The following ROBO1 variants were observed in gnomAD, a reference collection of about 807,000 sequenced individuals.
ROBO1 encodes the protein roundabout homolog 1.
ROBO1 carries 149 observed loss-of-function variants against 195.9 expected under a neutral mutation model. That is an observed-to-expected ratio of 0.76 (90% CI 0.67 to 0.87). ROBO1 has a LOEUF of 0.87. Among genes scored for constraint, ROBO1 ranks in the 40% least tolerant of loss-of-function variants. The probability of loss-of-function intolerance (pLI) is 0.00; values close to 1 mark genes in which losing one functional copy is unlikely to be tolerated. For missense variants in ROBO1, 1,933 were observed against 2,068.3 expected (o/e 0.93, Z 1.27); for synonymous variants, 816 against 733.2 (o/e 1.11, Z -1.82).
chr3:78,836,502 ACT>A (rs1192838498), intron 4 of ROBO1, among the ~76,000 whole-genome samples: 5 of 65,242 alleles, frequency 7.7e-5, no homozygotes, highest in Non-Finnish European at 1.3e-4. Flanking sequence ...ACAGAGCGAG[ACT>A]CTGTCTCCAA....
chr3:78,677,874 T>A (rs1254253747), intron 10 of ROBO1, among the ~76,000 whole-genome samples: 1 of 151,578 alleles, frequency 6.6e-6, no homozygotes, highest in Middle Eastern at 3.4e-3. Context: ...AATATACATT[T>A]TTTTCAGCAC....
intron 4 of ROBO1, among the ~76,000 whole-genome samples, chr3:78,808,419 G>T (rs71324649): frequency 0.038 from 5,705 of 152,072 alleles, 168 homozygotes; most frequent in Non-Finnish European, 0.055. Context: ...TGATCAGGCT[G>T]GTCTCAAACT....
chr3:79,598,139 C>G (rs1944234653), intron 1 of ROBO1, among the ~76,000 whole-genome samples: 1 of 152,056 alleles, frequency 6.6e-6, no homozygotes, highest in Non-Finnish European at 1.5e-5. Flanking sequence ...ATTTGAGATT[C>G]TTATTCTATG....
chr3:79,383,563 T>C (rs915738198), intron 2 of ROBO1, among the ~76,000 whole-genome samples: 1 of 152,028 alleles, frequency 6.6e-6, no homozygotes, highest in African/African-American at 2.4e-5. Context: ...TTCCTTTCAG[T>C]TTTGCTTTTC....
Position 78,631,636 on chromosome 3 carries a change from C to T in ROBO1, c.3482-331G>A, listed in dbSNP as rs115477012. Among the ~76,000 whole-genome samples, 1,228 of 152,212 alleles carry T rather than the reference C, an allele frequency of 8.1e-3. 17 individuals carry two copies. Among genetic ancestry groups the T allele is most frequent in the African/African-American group, 0.029 (1,187 of 41,530 alleles). ...AGCTGTAGATATATTTTCTCGAGTG[C>T]CTTTCTATTATTTAATTGCTGGAAC... On this transcript the variant is annotated intron_variant, in intron 24 of 30. Transcript: ENST00000464233.
intron 10 of ROBO1, among the ~76,000 whole-genome samples, chr3:78,681,877 C>T (rs563085898): frequency 2.6e-5 from 4 of 152,050 alleles, no homozygotes; most frequent in African/African-American, 9.6e-5. Context: ...ACTCCAGCCT[C>T]GGCGACTCAG....
At chr3:79,621,526 C>G (rs1221704497) in intron 1 of ROBO1, among the ~76,000 whole-genome samples, 2 of 152,166 alleles carry the variant, frequency 1.3e-5, no homozygotes, top group East Asian at 3.9e-4. Context: ...AGCATCAAAT[C>G]ACCTATAAAG....
intron 4 of ROBO1, among the ~76,000 whole-genome samples, chr3:78,936,617 T>C (rs2039822336): frequency 6.6e-6 from 1 of 152,066 alleles, no homozygotes. Context: ...ATAGCAACAA[T>C]TACTATATGA....
chr3:79,726,377 T>C (rs1702926433), intron 1 of ROBO1, among the ~76,000 whole-genome samples: 1 of 152,208 alleles, frequency 6.6e-6, no homozygotes, highest in Non-Finnish European at 1.5e-5. Context: ...CAGATTACAC[T>C]TTATATACAA....
intron 3 of ROBO1, among the ~76,000 whole-genome samples, chr3:79,085,905 A>G (rs1336321692): frequency 6.6e-6 from 1 of 152,190 alleles, no homozygotes; most frequent in East Asian, 1.9e-4. Flanking sequence ...TATATTCTCT[A>G]TAAGCAAAGC....
intron 2 of ROBO1, among the ~76,000 whole-genome samples, chr3:79,325,436 T>C (rs2034165093): frequency 6.6e-6 from 1 of 152,172 alleles, no homozygotes; most frequent in East Asian, 1.9e-4. Context: ...TCAAATCTTT[T>C]CTGCAAAAGG....
chr3:78,996,224 A>G (rs2077361373), intron 3 of ROBO1, among the ~76,000 whole-genome samples: 3 of 151,814 alleles, frequency 2.0e-5, no homozygotes, highest in Admixed American at 6.6e-5. Flanking sequence ...GGTGGCTCAC[A>G]CCTGTAATCC....
At chr3:79,425,815 A>T (rs892459631) in intron 2 of ROBO1, among the ~76,000 whole-genome samples, 3 of 152,074 alleles carry the variant, frequency 2.0e-5, no homozygotes, top group Non-Finnish European at 4.4e-5. Context: ...CCTAGCTACA[A>T]ATTGGAATAG....
chr3:79,747,144 C>A (rs1703912727), intron 1 of ROBO1, among the ~76,000 whole-genome samples: 1 of 151,980 alleles, frequency 6.6e-6, no homozygotes, highest in South Asian at 2.1e-4. Flanking sequence ...ATTTTGCTTG[C>A]AGATGTGTTT....
At chr3:79,550,192 A>C in intron 2 of ROBO1, among the ~76,000 whole-genome samples, 1 of 92,972 alleles carries the variant, frequency 1.1e-5, no homozygotes, top group African/African-American at 4.1e-5. Context: ...AGAAAGAAAG[A>C]AAGGAAAAGA....
intron 1 of ROBO1, among the ~76,000 whole-genome samples, chr3:79,709,665 G>T (rs990154326): frequency 1.3e-5 from 2 of 150,902 alleles, no homozygotes; most frequent in Admixed American, 1.3e-4. Context: ...CATTCTGCAT[G>T]AAAACGCTTT....
rs114126646 is a variant in ROBO1 at position 79,106,712 on chromosome 3, C to A, written c.172+18744G>T. 2.3e-3 allele frequency among the ~76,000 whole-genome samples: 354 copies of A among 150,918 alleles called. 2 individuals carry two copies. The highest frequency in any genetic ancestry group is 4.3e-3 in the Admixed American group (65 of 15,070). On this transcript the variant is annotated intron_variant, in intron 3 of 30. Transcript: ENST00000464233. The stretch of plus-strand genomic sequence containing the variant: ...TACATCAGGTTGCAAGCAATACAGA[C>A]ACTAAAAAAAAAATGTAAGTTAAAA...
intron 1 of ROBO1, among the ~76,000 whole-genome samples, chr3:79,761,196 C>T (rs1334272505): frequency 2.0e-5 from 3 of 148,704 alleles, no homozygotes; most frequent in African/African-American, 4.9e-5. Context: ...TTATAGAACA[C>T]TATATTGCAA....
chr3:79,496,269 ATTCT>A (rs1186358676), intron 2 of ROBO1, among the ~76,000 whole-genome samples: 1 of 150,000 alleles, frequency 6.7e-6, no homozygotes, highest in Non-Finnish European at 1.5e-5. Context: ...TTACAGGTAT[ATTCT>A]TTCTATGTAT....
Sources: allele counts gnomAD v4.1 joint callset (sites outside exome capture counted in the v4.1 genomes callset), GRCh38; gene constraint gnomAD v4.1.1; transcripts MANE v1.5; gene names NCBI Gene and HGNC (gene_info 2026-07-23, HGNC 2026-07-21).